The following LRRC8B variants were observed in gnomAD, a reference collection of about 807,000 sequenced individuals.
LRRC8B encodes volume-regulated anion channel subunit LRRC8B.
In LRRC8B, 23 loss-of-function variants were observed where a neutral mutation model predicts 58.8. The observed-to-expected ratio is 0.39, with a 90% CI of 0.28 to 0.55. The LOEUF (loss-of-function observed/expected upper bound fraction) is 0.55, where lower values mean the gene tolerates loss of function less well. LRRC8B is among the 20% of genes least tolerant of loss of function. The pLI, the probability that LRRC8B is intolerant of heterozygous loss-of-function variation, is 0.62. For synonymous variants in LRRC8B, 359 were observed against 374.1 expected (o/e 0.96, Z 0.47); for missense variants, 694 against 936.0 (o/e 0.74, Z 3.37).
At chr1:89,585,272 A>G (rs7516314) in intron 5 of LRRC8B, among the ~76,000 whole-genome samples, 64,212 of 152,046 alleles carry the variant, frequency 0.42, 14,434 homozygotes, top group South Asian at 0.55. Context: ...AAGATTTGAA[A>G]TCTGCATGCA....
chr1:89,567,082 G>A (rs766844245), intron 1 of LRRC8B, among the ~76,000 whole-genome samples: 5 of 152,194 alleles, frequency 3.3e-5, no homozygotes, highest in Non-Finnish European at 4.4e-5. Context: ...ACTGGTGGAC[G>A]TGCTGACGCA....
intron 1 of LRRC8B, among the ~76,000 whole-genome samples, chr1:89,529,119 G>C (rs1649918087): frequency 2.0e-5 from 3 of 152,180 alleles, no homozygotes; most frequent in African/African-American, 7.2e-5. Context: ...TCTCACAGGA[G>C]TCTTAGGATT....
chr1:89,588,345 A>G (rs984993818), intron 5 of LRRC8B, among the ~76,000 whole-genome samples: 2 of 152,222 alleles, frequency 1.3e-5, no homozygotes, highest in African/African-American at 4.8e-5. Context: ...ATGAATATGC[A>G]TTGTGCTTCT....
intron 1 of LRRC8B, among the ~76,000 whole-genome samples, chr1:89,556,453 A>G (rs1652198425): frequency 6.6e-6 from 1 of 152,172 alleles, no homozygotes; most frequent in South Asian, 2.1e-4. Flanking sequence ...CCAAATTTAT[A>G]GTCAAGTCAA....
chr1:89,588,339 A>C (rs1293231338), intron 5 of LRRC8B, among the ~76,000 whole-genome samples: 1 of 152,246 alleles, frequency 6.6e-6, no homozygotes, highest in African/African-American at 2.4e-5. Flanking sequence ...TAACATATGA[A>C]TATGCATTGT....
At chr1:89,534,196 A>G (rs904278669) in intron 1 of LRRC8B, among the ~76,000 whole-genome samples, 3 of 152,196 alleles carry the variant, frequency 2.0e-5, no homozygotes, top group Non-Finnish European at 4.4e-5. Flanking sequence ...TTGTTCTCAT[A>G]TATTTTTAAA....
chr1:89,583,759 T>C lies in LRRC8B; in HGVS notation c.1109T>C (p.Leu370Pro), dbSNP rs1206449886. Reference protein sequence around the residue: ...PDVKNDFAFILHLADQYDPLY... With the variant: ...PDVKNDFAFIPHLADQYDPLY... ...GTCAAGAATGACTTTGCCTTCATCC[T>C]TCATCTGGCTGATCAGTATGATCCT... Residue 370 changes from leucine to proline, a missense_variant, in exon 5 of 6, where the codon CTT becomes CCT. By Grantham distance (98) the Leu-to-Pro change is moderately conservative. This residue lies in a region of LRRC8B where 24 missense variants were observed against 63.2 expected (regional missense o/e 0.38). Transcript: ENST00000330947. The surrounding 1 kb of genome is among the most constrained non-coding windows in gnomAD (Gnocchi z 5.2). The C allele has an allele frequency of 6.2e-7, 1 of 1,614,226 alleles. No homozygotes were observed. The highest frequency in any genetic ancestry group is 1.1e-5 in the South Asian group (1 of 91,090).
intron 1 of LRRC8B, among the ~76,000 whole-genome samples, chr1:89,563,863 G>T (rs1010328303): frequency 6.6e-6 from 1 of 152,270 alleles, no homozygotes; most frequent in South Asian, 2.1e-4. Context: ...AGATCAAGCA[G>T]ATGGTAAACA....
chr1:89,581,273 C>CAA (rs5776023), intron 4 of LRRC8B, among the ~76,000 whole-genome samples: 92 of 72,364 alleles, frequency 1.3e-3, no homozygotes, highest in Middle Eastern at 6.9e-3. Context: ...GACTCCGTCT[C>CAA]AAAAAAAAAA....
At chr1:89,563,595 A>G (rs1270643300) in intron 1 of LRRC8B, among the ~76,000 whole-genome samples, 1 of 152,188 alleles carries the variant, frequency 6.6e-6, no homozygotes, top group Non-Finnish European at 1.5e-5. Flanking sequence ...TGGAAAACCA[A>G]ACCTCCTAAT....
At chr1:89,530,732 T>C (rs1306237475) in intron 1 of LRRC8B, among the ~76,000 whole-genome samples, 3 of 152,220 alleles carry the variant, frequency 2.0e-5, no homozygotes, top group African/African-American at 2.4e-5. Flanking sequence ...GACTGGACTA[T>C]GCATGGGATG....
intron 1 of LRRC8B, among the ~76,000 whole-genome samples, chr1:89,538,233 T>G (rs923752544): frequency 2.0e-5 from 3 of 152,012 alleles, no homozygotes; most frequent in African/African-American, 7.3e-5. Flanking sequence ...TCCTAGAAAA[T>G]TATGAGCAAG....
At position 89,596,177 on chromosome 1, in the gene LRRC8B, C is replaced by T. The variant is rs1287068074; in HGVS notation, c.*3134C>T. 1 of 152,042 alleles carries T rather than the reference C, an allele frequency of 6.6e-6. No individual in the cohort carries two copies. Among genetic ancestry groups the T allele is most frequent in the African/African-American group, 2.4e-5 (1 of 41,416 alleles). 9.4% of individuals were successfully genotyped at this position (152,042 alleles called of 1,614,324 possible). ...TATGACATTTAGAAGAAATCACATG[C>T]TCAACCTTAATCTGAGAACCTAAGT... is the stretch of plus-strand genomic sequence containing the variant. On this transcript the variant is annotated 3_prime_UTR_variant, in exon 6 of 6. Coordinates refer to ENST00000330947, the MANE Select transcript of LRRC8B (RefSeq NM_001369817.2).
Position 89,592,878 on chromosome 1 carries a change from C to G in LRRC8B, c.2247C>G (p.Asn749Lys), listed in dbSNP as rs1357789766. Residue 749 changes from asparagine to lysine, a missense_variant, in exon 6 of 6, where the codon AAC becomes AAG. Physicochemically the swap from Asn to Lys is moderately conservative, Grantham distance 94. Coordinates refer to ENST00000330947, the MANE Select transcript of LRRC8B (RefSeq NM_001369817.2). Reference protein sequence around the residue: ...NLSPHVGELSNLTHLELIGNY... With the variant: ...NLSPHVGELSKLTHLELIGNY... The stretch of plus-strand genomic sequence containing the variant: ...CCCCTCATGTGGGTGAGCTGTCAAA[C>G]CTTACTCATCTGGAGCTCATTGGTA... The G allele has an allele frequency of 6.2e-7, 1 of 1,614,010 alleles. No individual in the cohort carries two copies. The highest frequency in any genetic ancestry group is 2.2e-5 in the East Asian group (1 of 44,864).
In LRRC8B at chr1:89,593,015, G is replaced by A. The variant is rs755961690; in HGVS notation, c.2384G>A (p.Arg795His). The change falls in exon 6 of 6, where the codon CGT becomes CAT. Residue 795 changes from arginine to histidine, a missense_variant. Arg to His is a conservative substitution (Grantham distance 29, BLOSUM62 0). Transcript: ENST00000330947. The stretch of plus-strand genomic sequence containing the variant: ...ACTCTTCCTCTCCCTGTAACAGAAC[G>A]TTTACAGACGTGCTTAGACAAATGT... Reference protein sequence around the residue: ...LNTLPLPVTERLQTCLDKC With the variant: ...LNTLPLPVTEHLQTCLDKC The A allele has an allele frequency of 5.6e-6, 9 of 1,613,740 alleles. No homozygotes were observed. The Admixed American group carries it at 8.3e-5, about 15-fold the overall frequency.
At chr1:89,588,141 T>A (rs1373048359) in intron 5 of LRRC8B, 1 of 152,178 alleles carries the variant, frequency 6.6e-6, no homozygotes, top group Non-Finnish European at 1.5e-5. Flanking sequence ...TGAGCTCTAC[T>A]ACCCACCAAG....
intron 1 of LRRC8B, among the ~76,000 whole-genome samples, chr1:89,536,386 T>C (rs1472775741): frequency 6.6e-6 from 1 of 152,234 alleles, no homozygotes; most frequent in Non-Finnish European, 1.5e-5. Flanking sequence ...GAAAAATCTC[T>C]AAGGATTGGG....
intron 3 of LRRC8B, among the ~76,000 whole-genome samples, chr1:89,571,409 A>G (rs1653464886): frequency 6.6e-6 from 1 of 152,032 alleles, no homozygotes; most frequent in Non-Finnish European, 1.5e-5. Flanking sequence ...AATGGTTTGT[A>G]GTTCTCCCTA....
intron 1 of LRRC8B, among the ~76,000 whole-genome samples, chr1:89,552,448 G>C (rs1051295460): frequency 6.6e-6 from 1 of 152,044 alleles, no homozygotes; most frequent in African/African-American, 2.4e-5. Context: ...TAGACAATAA[G>C]AATAATCGTT....
Sources: gnomAD v4.1 joint callset for allele counts (sites outside exome capture counted in the v4.1 genomes callset) on GRCh38, gnomAD v4.1.1 for gene constraint, gnomAD v4.1.1 regional missense constraint, Gnocchi (gnomAD v3.1) non-coding constraint, MANE v1.5 for transcripts, NCBI Gene and HGNC (gene_info 2026-07-23, HGNC 2026-07-21) for gene names.